Variants in PPP1R9A observed in about 807,000 individuals in gnomAD.
The protein encoded by PPP1R9A is protein phosphatase 1 regulatory subunit 9A, also known as neurabin-1.
PPP1R9A carries 59 observed loss-of-function variants against 141.9 expected under a neutral mutation model. The ratio of observed to expected loss-of-function variants is 0.42; its 90% CI spans 0.34 to 0.52. The LOEUF (loss-of-function observed/expected upper bound fraction) is 0.52. Among genes scored for constraint, PPP1R9A ranks in the 20% least tolerant of loss-of-function variants. The probability of loss-of-function intolerance (pLI) is 0.10; values close to 1 mark genes in which losing one functional copy is unlikely to be tolerated. For missense variants in PPP1R9A, 1,444 were observed against 1,611.9 expected, an observed-to-expected ratio of 0.90 and a Z score of 1.78; for synonymous variants, 500 against 569.7, an observed-to-expected ratio of 0.88 and a Z score of 1.74.
chr7:95,280,118 C>A (rs1173742589), intron 16 of PPP1R9A, among the ~76,000 whole-genome samples: 1 of 152,152 alleles, frequency 6.6e-6, no homozygotes, highest in Non-Finnish European at 1.5e-5. Flanking sequence ...CAGCTGTTAT[C>A]CATTAGGGTC....
Position 94,911,072 on chromosome 7 carries a change from G to A in PPP1R9A, c.959G>A (p.Gly320Asp). 1 of 1,614,126 alleles carries A rather than the reference G, an allele frequency of 6.2e-7. No homozygotes were observed. The highest frequency in any genetic ancestry group is 2.2e-5 in the East Asian group (1 of 44,874). ...ACTCCCGACAGCATTGACAAAGATGGTCCTGAAGAACCTTGTGCTGAAAGT... is the reference window on the plus strand; with the variant it reads ...ACTCCCGACAGCATTGACAAAGATGATCCTGAAGAACCTTGTGCTGAAAGT... ...QQTPDSIDKD[G>D]PEEPCAESKA... The change falls in exon 2 of 20, where the codon GGT (glycine) becomes GAT (aspartate). Residue 320 changes from glycine (G) to aspartate (D), a missense_variant. Around this residue, in one of 5 missense-constraint regions of PPP1R9A, gnomAD observed 490 missense variants for 521.1 expected, o/e 0.94. Transcript: ENST00000433360.
At chr7:95,200,266 G>C (rs946822195) in intron 6 of PPP1R9A, among the ~76,000 whole-genome samples, 2 of 149,786 alleles carry the variant, frequency 1.3e-5, no homozygotes, top group Non-Finnish European at 1.5e-5. Flanking sequence ...ATAAAATTTT[G>C]CTCTTTTTTT....
At chr7:94,996,018 G>A (rs555556961) in intron 2 of PPP1R9A, among the ~76,000 whole-genome samples, 1 of 152,122 alleles carries the variant, frequency 6.6e-6, no homozygotes, top group South Asian at 2.1e-4. Flanking sequence ...CTGGTCCATG[G>A]CTCATAATTA....
intron 5 of PPP1R9A, among the ~76,000 whole-genome samples, chr7:95,181,431 TATATATATTCCATC>T (rs1188625898): frequency 1.5e-5 from 2 of 134,312 alleles, no homozygotes; most frequent in African/African-American, 5.6e-5. Context: ...ATATAGAGAA[TATATATATTCCATC>T]ATATATATAG....
At chr7:95,074,502 TTCTC>T (rs1231576281) in intron 2 of PPP1R9A, among the ~76,000 whole-genome samples, 1 of 151,234 alleles carries the variant, frequency 6.6e-6, no homozygotes, top group African/African-American at 2.4e-5. Context: ...GAGACGGAGT[TTCTC>T]TCTTGTTGCC....
intron 2 of PPP1R9A, among the ~76,000 whole-genome samples, chr7:95,035,064 A>C (rs1450351501): frequency 1.3e-5 from 2 of 152,208 alleles, no homozygotes; most frequent in Non-Finnish European, 2.9e-5. Flanking sequence ...AGCTCAGTGC[A>C]GTATTTCAGC....
intron 2 of PPP1R9A, among the ~76,000 whole-genome samples, chr7:94,931,492 A>G (rs1358627676): frequency 6.6e-6 from 1 of 152,228 alleles, no homozygotes; most frequent in Non-Finnish European, 1.5e-5. Context: ...TTATGCAAAT[A>G]CTAGGTATAC....
At chr7:94,938,612 T>G (rs1584301867) in intron 2 of PPP1R9A, among the ~76,000 whole-genome samples, 1 of 152,208 alleles carries the variant, frequency 6.6e-6, no homozygotes, top group East Asian at 1.9e-4. Context: ...TTTAAAAAAT[T>G]TCTTTGACTG....
At chr7:94,992,758 CAT>C (rs981341988) in intron 2 of PPP1R9A, among the ~76,000 whole-genome samples, 1 of 152,126 alleles carries the variant, frequency 6.6e-6, no homozygotes, top group Non-Finnish European at 1.5e-5. Context: ...TTTTTGCAAT[CAT>C]ATGTGTATCT....
chr7:95,109,505 C>T (rs1820157369), intron 2 of PPP1R9A, among the ~76,000 whole-genome samples: 3 of 152,006 alleles, frequency 2.0e-5, no homozygotes, highest in Non-Finnish European at 4.4e-5. Flanking sequence ...AGTGAAGGAT[C>T]AAAAGAGCTG....
intron 14 of PPP1R9A, among the ~76,000 whole-genome samples, chr7:95,272,058 G>T (rs1241140776): frequency 6.6e-6 from 1 of 152,180 alleles, no homozygotes; most frequent in African/African-American, 2.4e-5. Context: ...ATGTAAGGTT[G>T]CCTAGCACCA....
At chr7:94,997,837 C>T (rs12666268) in intron 2 of PPP1R9A, among the ~76,000 whole-genome samples, 3 of 152,234 alleles carry the variant, frequency 2.0e-5, no homozygotes, top group Admixed American at 6.5e-5. Flanking sequence ...ACTCCTCAAC[C>T]GAGTGAGACT....
intron 8 of PPP1R9A, among the ~76,000 whole-genome samples, chr7:95,240,055 T>A (rs1268970502): frequency 6.6e-6 from 1 of 152,052 alleles, no homozygotes; most frequent in Non-Finnish European, 1.5e-5. Context: ...ATATTCTGAA[T>A]TTTTTCTCAT....
chr7:95,187,076 GA>G (rs996823273), intron 5 of PPP1R9A, among the ~76,000 whole-genome samples: 10 of 152,074 alleles, frequency 6.6e-5, no homozygotes, highest in African/African-American at 2.2e-4. Flanking sequence ...ACTAGTTTCA[GA>G]AAGGTTGGTA....
intron 6 of PPP1R9A, 54 bp downstream of exon 6, chr7:95,198,538 C>A: frequency 6.7e-7 from 1 of 1,501,382 alleles, no homozygotes. Flanking sequence ...TCATGAAACT[C>A]TCTCTACTGT....
rs1300075858 is a variant in PPP1R9A, at chr7:95,291,269, A to T, written c.*966A>T. ...ATTCTGGCTGGTCTTCAGCCTGCCTATGTCACAATCAGGAACTCATCACAT... is the reference window on the plus strand; with the variant it reads ...ATTCTGGCTGGTCTTCAGCCTGCCTTTGTCACAATCAGGAACTCATCACAT... On this transcript the variant is annotated 3_prime_UTR_variant, in exon 20 of 20. Transcript: ENST00000433360. 1 of 152,302 alleles carries T rather than the reference A, an allele frequency of 6.6e-6. No individual in the cohort carries two copies. Among genetic ancestry groups the T allele is most frequent in the Middle Eastern group, 3.4e-3 (1 of 294 alleles). The allele number at this position is 152,302 out of a possible 1,614,324, so 9.4% of individuals were successfully genotyped here.
At chr7:95,239,552 C>T (rs1585407505) in intron 8 of PPP1R9A, among the ~76,000 whole-genome samples, 1 of 152,066 alleles carries the variant, frequency 6.6e-6, no homozygotes, top group East Asian at 1.9e-4. Flanking sequence ...AGAGTGAGAC[C>T]TTGTCTCAAA....
chr7:94,920,371 T>A (rs1396464903), intron 2 of PPP1R9A, among the ~76,000 whole-genome samples: 1 of 152,172 alleles, frequency 6.6e-6, no homozygotes, highest in Non-Finnish European at 1.5e-5. Flanking sequence ...TGATAATTTT[T>A]TTTTTTTTTA....
At chr7:94,967,153 C>G (rs1276264915) in intron 2 of PPP1R9A, among the ~76,000 whole-genome samples, 1 of 152,084 alleles carries the variant, frequency 6.6e-6, no homozygotes, top group Non-Finnish European at 1.5e-5. Context: ...TGTGGGAGAT[C>G]AGTGGTGATA....
Sources: allele counts gnomAD v4.1 joint callset (sites outside exome capture counted in the v4.1 genomes callset), GRCh38; gene constraint gnomAD v4.1.1; regional missense constraint gnomAD v4.1.1; transcripts MANE v1.5; gene names NCBI Gene and HGNC (gene_info 2026-07-23, HGNC 2026-07-21).